Variants in KATNAL1 observed in about 807,000 individuals in gnomAD.
The protein encoded by KATNAL1 is katanin p60 ATPase-containing subunit A-like 1.
A neutral mutation model predicts 55.2 loss-of-function variants in KATNAL1; 32 were observed. That is an observed-to-expected ratio of 0.58 (90% CI 0.44 to 0.78). KATNAL1 has a LOEUF of 0.78. KATNAL1 is among the 30% of genes least tolerant of loss of function. The pLI is 0.00. For synonymous variants in KATNAL1, 193 were observed against 193.6 expected, an observed-to-expected ratio of 1.00 and a Z score of 0.02; for missense variants, 466 against 600.9, an observed-to-expected ratio of 0.78 and a Z score of 2.35.
chr13:30,258,755 A>T (rs1878993822), intron 3 of KATNAL1, among the ~76,000 whole-genome samples: 1 of 149,908 alleles, frequency 6.7e-6, no homozygotes, highest in East Asian at 1.9e-4. Flanking sequence ...GAAGAAGAGT[A>T]TCTCGATTTT....
chr13:30,305,837 C>T (rs902524121), intron 1 of KATNAL1, among the ~76,000 whole-genome samples: 1 of 152,220 alleles, frequency 6.6e-6, no homozygotes, highest in Non-Finnish European at 1.5e-5. Flanking sequence ...TGGCATAATG[C>T]CTGGCACATA....
rs115922282 is a variant in KATNAL1, at chr13:30,238,256, C to A, written c.726+2204G>T. Among the ~76,000 whole-genome samples the A allele has an allele frequency of 3.8e-3, 579 of 152,250 alleles. 3 individuals are homozygous for A. The highest frequency in any genetic ancestry group is 0.013 in the African/African-American group (556 of 41,548). On this transcript the variant is annotated intron_variant, in intron 6 of 10. Transcript: ENST00000380615. The stretch of plus-strand genomic sequence containing the variant: ...TTCAACATTTACATAGTTCTAAGGC[C>A]TCATTAATTCATTTTAACCTCACTA...
chr13:30,274,891 A>ACATACGCGTGCGCG (rs55740915), intron 3 of KATNAL1, among the ~76,000 whole-genome samples: 3 of 122,134 alleles, frequency 2.5e-5, no homozygotes, highest in Non-Finnish European at 5.1e-5. Flanking sequence ...GCACACACAT[A>ACATACGCGTGCGCG]CGCGCGCGCG....
intron 3 of KATNAL1, among the ~76,000 whole-genome samples, chr13:30,257,796 G>A (rs74627875): frequency 0.022 from 3,326 of 152,318 alleles, 49 homozygotes; most frequent in Non-Finnish European, 0.034. Context: ...GAAGCCAGAC[G>A]TGTCGTTTGT....
At chr13:30,296,521 G>T in intron 1 of KATNAL1, 1 of 734,694 alleles carries the variant, frequency 1.4e-6, no homozygotes, top group Non-Finnish European at 2.5e-6. Flanking sequence ...GCCTACTGGG[G>T]CCTCTTTATC....
chr13:30,213,781 A>G (rs1566084297), intron 9 of KATNAL1, among the ~76,000 whole-genome samples: 2 of 152,244 alleles, frequency 1.3e-5, no homozygotes, highest in African/African-American at 2.4e-5. Flanking sequence ...TCTCAAAATA[A>G]TAAGAGCTAC....
At chr13:30,238,945 T>C (rs559488190) in intron 6 of KATNAL1, among the ~76,000 whole-genome samples, 6 of 152,336 alleles carry the variant, frequency 3.9e-5, no homozygotes, top group Non-Finnish European at 5.9e-5. Context: ...AGGTCTATTA[T>C]GGTTGTCACA....
chr13:30,266,722 C>T (rs1009051590), intron 3 of KATNAL1, among the ~76,000 whole-genome samples: 1 of 152,174 alleles, frequency 6.6e-6, no homozygotes, highest in African/African-American at 2.4e-5. Flanking sequence ...CTTAGACATG[C>T]CTAGCCTTAA....
intron 4 of KATNAL1, among the ~76,000 whole-genome samples, chr13:30,250,477 A>G (rs1878194075): frequency 6.6e-6 from 1 of 152,188 alleles, no homozygotes; most frequent in African/African-American, 2.4e-5. Context: ...CTAGATTATC[A>G]TTATTCATCA....
intron 8 of KATNAL1, among the ~76,000 whole-genome samples, chr13:30,228,405 T>A (rs1247991662): frequency 6.6e-6 from 1 of 151,558 alleles, no homozygotes; most frequent in Non-Finnish European, 1.5e-5. Flanking sequence ...CTGAAACATA[T>A]AATATTTTCT....
chr13:30,248,469 T>C (rs899425110), intron 4 of KATNAL1, among the ~76,000 whole-genome samples: 1 of 152,186 alleles, frequency 6.6e-6, no homozygotes, highest in Non-Finnish European at 1.5e-5. Flanking sequence ...AGCAACTTAA[T>C]ATTCAAAGGA....
In KATNAL1 at chr13:30,277,315, T is replaced by A. The variant is rs910860703; in HGVS notation, c.323+2748A>T. ...ATTACATGCCAGTTGCTGTCTTAAT[T>A]TTTTTTATTCAATTCCATGAAGTAG... On this transcript the variant is annotated intron_variant, in intron 3 of 10. Coordinates refer to ENST00000380615, the MANE Select transcript of KATNAL1 (RefSeq NM_032116.5). 2.6e-5 allele frequency among the ~76,000 whole-genome samples: 4 copies of A among 152,192 alleles called. No individual in the cohort carries two copies. In the East Asian group the frequency reaches 7.7e-4, roughly 29 times the overall value.
chr13:30,249,778 G>A (rs370199154), intron 4 of KATNAL1, among the ~76,000 whole-genome samples: 121 of 152,210 alleles, frequency 7.9e-4, no homozygotes, highest in South Asian at 7.7e-3. Flanking sequence ...CCAAATGTTC[G>A]ATTTCTTGAC....
chr13:30,262,506 A>T lies in KATNAL1; in HGVS notation c.324-6891T>A, dbSNP rs1367616844. ...TAAAGAAGAAAAGAGAGAAGAATCA[A>T]ATAGATGCAATAAAAAATGGTAAAG... On this transcript the variant is annotated intron_variant, in intron 3 of 10. Transcript: ENST00000380615. Among the ~76,000 whole-genome samples the T allele has an allele frequency of 2.0e-5, 3 of 152,222 alleles. No individual in the cohort carries two copies. The East Asian group carries it at 5.8e-4, about 29-fold the overall frequency.
At position 30,267,537 on chromosome 13, in the gene KATNAL1, G is replaced by A. The variant is rs1879871237; in HGVS notation, c.324-11922C>T. ...TAAACCCTACAACTAAAGCCTTGCT[G>A]AAGAAGAGTCCTCAACTCAAATATA... On this transcript the variant is annotated intron_variant, in intron 3 of 10. Transcript: ENST00000380615. Among the ~76,000 whole-genome samples, 8 of 152,150 alleles carry A rather than the reference G, an allele frequency of 5.3e-5. No homozygotes were observed. In the South Asian group the frequency reaches 1.7e-3, roughly 32 times the overall value.
chr13:30,299,542 T>A (rs2137569731), intron 1 of KATNAL1, among the ~76,000 whole-genome samples: 1 of 152,310 alleles, frequency 6.6e-6, no homozygotes, highest in South Asian at 2.1e-4. Context: ...TTTTTAGTCA[T>A]AATCTTGAAA....
At chr13:30,229,990 T>C (rs1029833642) in intron 8 of KATNAL1, among the ~76,000 whole-genome samples, 3 of 151,172 alleles carry the variant, frequency 2.0e-5, no homozygotes, top group Non-Finnish European at 4.4e-5. Context: ...ATCTCTTTAA[T>C]GTCTATCTAG....
Position 30,300,923 on chromosome 13 carries a change from C to T in KATNAL1, c.-15+6408G>A, listed in dbSNP as rs145006536. Among the ~76,000 whole-genome samples, 554 of 152,216 alleles carry T rather than the reference C, an allele frequency of 3.6e-3. 3 individuals are homozygous for T. Among genetic ancestry groups the T allele is most frequent in the African/African-American group, 0.013 (541 of 41,526 alleles). On this transcript the variant is annotated intron_variant, in intron 1 of 10. Transcript: ENST00000380615. ...TCATAAACATAAAAGAATCTAGATA[C>T]TAATATAGGGTTCTAAGAGCTTAAA...
At chr13:30,218,305 G>A (rs937264522) in intron 9 of KATNAL1, among the ~76,000 whole-genome samples, 1 of 151,588 alleles carries the variant, frequency 6.6e-6, no homozygotes, top group African/African-American at 2.4e-5. Context: ...GTGTTTAGGA[G>A]GTCAGCCTAA....
Sources: gnomAD v4.1 joint callset for allele counts (sites outside exome capture counted in the v4.1 genomes callset) on GRCh38, gnomAD v4.1.1 for gene constraint, MANE v1.5 for transcripts, NCBI Gene and HGNC (gene_info 2026-07-23, HGNC 2026-07-21) for gene names.